KCNQ1: variants seen among roughly 807,000 people sequenced by gnomAD.
KCNQ1 encodes the protein potassium voltage-gated channel subfamily Q member 1.
In KCNQ1, 49 loss-of-function variants were observed where a neutral mutation model predicts 72.4. The ratio of observed to expected loss-of-function variants is 0.68; its 90% CI spans 0.54 to 0.86. The LOEUF (loss-of-function observed/expected upper bound fraction) is 0.86, where lower values mean the gene tolerates loss of function less well. Ranked by LOEUF, KCNQ1 falls within the 40% of genes least tolerant of loss-of-function variation. KCNQ1 has a pLI of 0.00. For missense variants in KCNQ1, 790 were observed against 945.1 expected, an observed-to-expected ratio of 0.84 and a Z score of 2.15; for synonymous variants, 450 against 412.6, an observed-to-expected ratio of 1.09 and a Z score of -1.10.
At chr11:2,821,779 T>A (rs1847742668) in intron 15 of KCNQ1, among the ~76,000 whole-genome samples, 1 of 152,058 alleles carries the variant, frequency 6.6e-6, no homozygotes, top group Non-Finnish European at 1.5e-5. Flanking sequence ...CCTTAAAGGG[T>A]GCATCTTCCA....
Position 2,537,188 on chromosome 11 carries a change from T to G in KCNQ1, c.477+9170T>G, listed in dbSNP as rs528011404. Among the ~76,000 whole-genome samples the G allele has an allele frequency of 6.6e-6, 1 of 152,080 alleles. No individual in the cohort carries two copies. Among genetic ancestry groups the G allele is most frequent in the East Asian group, 1.9e-4 (1 of 5,164 alleles). On this transcript the variant is annotated intron_variant, in intron 2 of 15. Coordinates refer to ENST00000155840, the MANE Select transcript of KCNQ1 (RefSeq NM_000218.3). The surrounding 1 kb of genome is among the most constrained non-coding windows in gnomAD (Gnocchi z 5.2). Reference sequence around the variant, plus strand: ...CCATGGCCCACAGGGTGGCTCCCTGTGTGTGTAAATAAAGCTTTATTAGCA... The same window carrying G: ...CCATGGCCCACAGGGTGGCTCCCTGGGTGTGTAAATAAAGCTTTATTAGCA...
At chr11:2,761,479 G>A (rs1188823187) in intron 11 of KCNQ1, among the ~76,000 whole-genome samples, 2 of 152,134 alleles carry the variant, frequency 1.3e-5, no homozygotes, top group African/African-American at 4.8e-5. Context: ...GCAACATTTG[G>A]GCAGAAACAC....
intron 15 of KCNQ1, among the ~76,000 whole-genome samples, chr11:2,831,205 A>G (rs774270357): frequency 6.6e-6 from 1 of 152,168 alleles, no homozygotes; most frequent in Non-Finnish European, 1.5e-5. Context: ...TGCTACAGGG[A>G]TGGCCATCGG....
chr11:2,512,377 ACTGT>A (rs1236710221), intron 1 of KCNQ1, among the ~76,000 whole-genome samples: 2 of 152,078 alleles, frequency 1.3e-5, no homozygotes, highest in Non-Finnish European at 2.9e-5. Context: ...AGCCAGGAGA[ACTGT>A]CTGTCTCCTA....
intron 10 of KCNQ1, chr11:2,615,539 T>C (rs1459950234): frequency 2.5e-6 from 1 of 397,968 alleles, no homozygotes; most frequent in Non-Finnish European, 4.4e-6. Flanking sequence ...TTGTGGATTT[T>C]TCACAAATCC....
rs1356477542 is a variant in KCNQ1 at position 2,803,768 on chromosome 11, C to T, written c.1794+25731C>T. On this transcript the variant is annotated intron_variant, in intron 15 of 15. Coordinates refer to ENST00000155840, the MANE Select transcript of KCNQ1 (RefSeq NM_000218.3). The surrounding 1 kb of genome is among the most constrained non-coding windows in gnomAD (Gnocchi z 6.4). ...TCAGAAGCACTCCCTGATCCTCTCC[C>T]CACTTCCCTCCTCCCCTCTCATCCC... Among the ~76,000 whole-genome samples, 1 of 152,184 alleles carries T rather than the reference C, an allele frequency of 6.6e-6. No homozygotes were observed. Among genetic ancestry groups the T allele is most frequent in the Non-Finnish European group, 1.5e-5 (1 of 68,024 alleles).
At chr11:2,716,921 G>A (rs1035985695) in intron 11 of KCNQ1, among the ~76,000 whole-genome samples, 8 of 152,250 alleles carry the variant, frequency 5.3e-5, no homozygotes, top group Admixed American at 1.3e-4. Context: ...CAGGCCTGCA[G>A]TAGGAGCTCT....
Position 2,608,379 on chromosome 11 carries a change from A to T in KCNQ1, c.1393+19525A>T, listed in dbSNP as rs941640515. On this transcript the variant is annotated intron_variant, in intron 10 of 15. Coordinates refer to ENST00000155840, the MANE Select transcript of KCNQ1 (RefSeq NM_000218.3). The surrounding 1 kb of genome is among the most constrained non-coding windows in gnomAD (Gnocchi z 4.6). ...TCTAGGAATTTGTCAATTTCATCTAAGTTTTATAATTTATTGGCACAAAAT... is the reference window on the plus strand; with the variant it reads ...TCTAGGAATTTGTCAATTTCATCTATGTTTTATAATTTATTGGCACAAAAT... 19 of 398,364 alleles carry T rather than the reference A, an allele frequency of 4.8e-5. No homozygotes were observed. The highest frequency in any genetic ancestry group is 1.8e-5 in the Non-Finnish European group (4 of 226,032). 24.7% of individuals were successfully genotyped at this position (398,364 alleles called of 1,614,324 possible). A position where few individuals can be genotyped will look rare whatever the true frequency, so the allele number is the denominator to read the frequency against.
intron 1 of KCNQ1, among the ~76,000 whole-genome samples, chr11:2,459,781 G>A (rs542893100): frequency 3.3e-5 from 5 of 152,178 alleles, no homozygotes; most frequent in South Asian, 2.1e-4. Context: ...GAATGGAGTC[G>A]TGAAATCAGG....
chr11:2,700,023 GC>G (rs898249981), intron 11 of KCNQ1: 12 of 398,076 alleles, frequency 3.0e-5, no homozygotes, highest in East Asian at 3.6e-5. Context: ...CGCTCCGACT[GC>G]CCCCGCCGCT....
intron 15 of KCNQ1, among the ~76,000 whole-genome samples, chr11:2,795,958 T>G (rs1332558346): frequency 6.6e-6 from 1 of 152,178 alleles, no homozygotes; most frequent in East Asian, 1.9e-4. Flanking sequence ...GACCGGCCTT[T>G]GGCCCCCTGC....
rs1254286415 is a variant in KCNQ1, at chr11:2,483,146, C to T, written c.386+37662C>T. Among the ~76,000 whole-genome samples the T allele has an allele frequency of 6.6e-6, 1 of 152,014 alleles. No individual in the cohort carries two copies. The highest frequency in any genetic ancestry group is 2.4e-5 in the African/African-American group (1 of 41,366). ...CAGAGGGCATGGCACATGCAAAGGT[C>T]CTGTGTTGGGAACGTGCTTGGTGCA... On this transcript the variant is annotated intron_variant, in intron 1 of 15. Coordinates refer to ENST00000155840, the MANE Select transcript of KCNQ1 (RefSeq NM_000218.3). The surrounding 1 kb of genome is among the most constrained non-coding windows in gnomAD (Gnocchi z 6.1).
At position 2,463,297 on chromosome 11, in the gene KCNQ1, G is replaced by A. The variant is rs1846305264; in HGVS notation, c.386+17813G>A. Among the ~76,000 whole-genome samples, 1 of 152,206 alleles carries A rather than the reference G, an allele frequency of 6.6e-6. No homozygotes were observed. The highest frequency in any genetic ancestry group is 2.4e-5 in the African/African-American group (1 of 41,440). The stretch of plus-strand genomic sequence containing the variant: ...CAGGAATGCAGAAGGCCTTTCAGAA[G>A]TTCTCACTGGCCTGCAAGGTAGAGG... On this transcript the variant is annotated intron_variant, in intron 1 of 15. Transcript: ENST00000155840. The surrounding 1 kb of genome is among the most constrained non-coding windows in gnomAD (Gnocchi z 7.0).
At chr11:2,666,785 T>G in intron 11 of KCNQ1, 1 of 398,670 alleles carries the variant, frequency 2.5e-6, no homozygotes, top group East Asian at 3.6e-5. Flanking sequence ...TCACCATATT[T>G]CTCTCCCTGT....
rs199472796 is a variant in KCNQ1, at chr11:2,775,990, G to A, written c.1621G>A (p.Val541Ile). ...QARKPYDVRD[V>I]IEQYSQGHLN... ...GCGGAAGCCTTACGATGTGCGGGACGTCATTGAGCAGTACTCGCAGGGCCA... is the reference window on the plus strand; with the variant it reads ...GCGGAAGCCTTACGATGTGCGGGACATCATTGAGCAGTACTCGCAGGGCCA... Residue 541 changes from valine to isoleucine, a missense_variant, in exon 13 of 16, where the codon GTC becomes ATC. By Grantham distance (29) the Val-to-Ile change is conservative (BLOSUM62 3). Around this residue, in one of 5 missense-constraint regions of KCNQ1, gnomAD observed 91 missense variants for 139.1 expected, o/e 0.65. Transcript: ENST00000155840. The A allele has an allele frequency of 3.4e-5, 53 of 1,570,346 alleles. No individual in the cohort carries two copies. Among genetic ancestry groups the A allele is most frequent in the Middle Eastern group, 1.7e-4 (1 of 6,032 alleles).
In KCNQ1 at chr11:2,516,376, CG is replaced by C. The variant is rs1328235404; in HGVS notation, c.387-11549del. ...CTCATGCCTGGGACCGCTGACCCAC[CG>C]GGATTCTTGGGGGCCACCATAGAGC... On this transcript the variant is annotated intron_variant, in intron 1 of 15. Transcript: ENST00000155840. This position sits in a 1 kb window ranked among gnomAD's most constrained non-coding sequence, Gnocchi z 7.0. Among the ~76,000 whole-genome samples, 2 of 152,046 alleles carry C rather than the reference CG, an allele frequency of 1.3e-5. No homozygotes were observed. The highest frequency in any genetic ancestry group is 2.9e-5 in the Non-Finnish European group (2 of 68,012).
intron 2 of KCNQ1, among the ~76,000 whole-genome samples, chr11:2,557,010 G>A (rs1050042251): frequency 6.6e-6 from 1 of 152,258 alleles, no homozygotes; most frequent in African/African-American, 2.4e-5. Flanking sequence ...CTCTTTGAAA[G>A]ACAGAGAAGG....
chr11:2,460,101 G>A (rs1025941530), intron 1 of KCNQ1, among the ~76,000 whole-genome samples: 2 of 152,152 alleles, frequency 1.3e-5, no homozygotes, highest in South Asian at 2.1e-4. Flanking sequence ...CCCCTCACTC[G>A]AGTCCTTGCT....
At position 2,690,346 on chromosome 11, in the gene KCNQ1, C is replaced by T; in HGVS notation, c.1514+28265C>T. On this transcript the variant is annotated intron_variant, in intron 11 of 15. Coordinates refer to ENST00000155840, the MANE Select transcript of KCNQ1 (RefSeq NM_000218.3). This position sits in a 1 kb window ranked among gnomAD's most constrained non-coding sequence, Gnocchi z 5.1. Reference sequence around the variant, plus strand: ...TGATGTCAAGTCTGAGGCTGCCCTGCAGCTGCTGTTTCCACTACTTGGCAT... The same window carrying T: ...TGATGTCAAGTCTGAGGCTGCCCTGTAGCTGCTGTTTCCACTACTTGGCAT... The T allele has an allele frequency of 5.0e-6, 2 of 398,708 alleles. No individual in the cohort carries two copies. Among genetic ancestry groups the T allele is most frequent in the Non-Finnish European group, 4.4e-6 (1 of 226,106 alleles). 24.7% of individuals were successfully genotyped at this position (398,708 alleles called of 1,614,324 possible).
Sources: allele counts gnomAD v4.1 joint callset (sites outside exome capture counted in the v4.1 genomes callset), GRCh38; gene constraint gnomAD v4.1.1; regional missense constraint gnomAD v4.1.1; non-coding constraint Gnocchi (gnomAD v3.1); transcripts MANE v1.5; gene names NCBI Gene and HGNC (gene_info 2026-07-23, HGNC 2026-07-21).